LARGE1: variants seen among roughly 807,000 people sequenced by gnomAD.
The protein encoded by LARGE1 is LARGE xylosyl- and glucuronyltransferase 1.
Under a neutral mutation model 87.6 loss-of-function variants are expected in LARGE1, and 43 were observed. The observed-to-expected ratio is 0.49, with a 90% confidence interval of 0.38 to 0.63. The LOEUF (loss-of-function observed/expected upper bound fraction) is 0.63, where lower values mean the gene tolerates loss of function less well. Ranked by LOEUF, LARGE1 falls within the 30% of genes least tolerant of loss-of-function variation. The pLI is 0.00. For synonymous variants in LARGE1, 434 were observed against 394.6 expected (o/e 1.10, Z -1.18); for missense variants, 802 against 1,000.2 (o/e 0.80, Z 2.67).
At chr22:33,403,072 C>T (rs531973388) in intron 7 of LARGE1, among the ~76,000 whole-genome samples, 1 of 152,024 alleles carries the variant, frequency 6.6e-6, no homozygotes, top group Non-Finnish European at 1.5e-5. Context: ...ACAACAACAA[C>T]AAAATACTAC....
intron 6 of LARGE1, among the ~76,000 whole-genome samples, chr22:33,514,840 T>C (rs1383066308): frequency 6.6e-6 from 1 of 152,092 alleles, no homozygotes; most frequent in African/African-American, 2.4e-5. Context: ...CTTCATTTGA[T>C]AGAAGGGGAC....
At chr22:33,611,548 G>A (rs1408673065) in intron 4 of LARGE1, among the ~76,000 whole-genome samples, 1 of 152,216 alleles carries the variant, frequency 6.6e-6, no homozygotes, top group Admixed American at 6.5e-5. Context: ...CATCTTGGAA[G>A]TAAATACTGC....
At chr22:33,400,392 T>C (rs970847796) in intron 7 of LARGE1, among the ~76,000 whole-genome samples, 3 of 152,122 alleles carry the variant, frequency 2.0e-5, no homozygotes, top group African/African-American at 7.2e-5. Flanking sequence ...CAGAGCCATC[T>C]GGGGGAGGGA....
rs1333383071 is a variant in LARGE1 at position 33,421,079 on chromosome 22, C to T, written c.892+11082G>A. ...TGATGCATGCCTGTAGTCCCAGGTA[C>T]TTGGGAGGCTGAGGTAGGAAAGTTG... On this transcript the variant is annotated intron_variant, in intron 7 of 14. Transcript: ENST00000397394. 2.0e-5 allele frequency among the ~76,000 whole-genome samples: 3 copies of T among 152,040 alleles called. No homozygotes were observed. The East Asian group carries it at 5.8e-4, about 29-fold the overall frequency.
rs56832457 is a variant in LARGE1, at chr22:33,762,213, C to CAAAAAAA, written c.-82-662_-82-656dup. Among the ~76,000 whole-genome samples the CAAAAAAA allele has an allele frequency of 2.0e-4, 17 of 84,476 alleles. 1 individual carries two copies. Among genetic ancestry groups the CAAAAAAA allele is most frequent in the Admixed American group, 4.8e-4 (4 of 8,264 alleles). 55.4% of individuals were successfully genotyped at this position (84,476 alleles called of 152,430 possible). On this transcript the variant is annotated intron_variant, in intron 1 of 14. Transcript: ENST00000397394. ...AGGGAGACAGAGCGAGATTCTATCT[C>CAAAAAAA]AAAAAAAAAAAAAAAAAAAAAAAAA...
chr22:33,656,210 A>T (rs1349334631), intron 2 of LARGE1, among the ~76,000 whole-genome samples: 1 of 152,138 alleles, frequency 6.6e-6, no homozygotes, highest in African/African-American at 2.4e-5. Flanking sequence ...GGTTTAATGG[A>T]CTCACAGTTC....
At chr22:33,393,011 G>A (rs2065589007) in intron 7 of LARGE1, among the ~76,000 whole-genome samples, 1 of 151,976 alleles carries the variant, frequency 6.6e-6, no homozygotes, top group Non-Finnish European at 1.5e-5. Context: ...TATTCCAAGT[G>A]GCAGCTAAGA....
chr22:33,226,223 G>A (rs989845664), intron 11 of LARGE1, among the ~76,000 whole-genome samples: 6 of 152,198 alleles, frequency 3.9e-5, no homozygotes, highest in Admixed American at 3.9e-4. Flanking sequence ...GCTTCTCTGA[G>A]CTTAAGTCCA....
chr22:33,574,687 TGTGTGTGTGTGTGTG>T (rs2078301150), intron 5 of LARGE1, among the ~76,000 whole-genome samples: 1 of 176 alleles, frequency 5.7e-3, no homozygotes, highest in African/African-American at 0.021. Flanking sequence ...TATAAACAAT[TGTGTGTGTGTGTGTG>T]TGTGTGTGTG....
At chr22:33,248,360 T>C (rs1366625870) in intron 11 of LARGE1, among the ~76,000 whole-genome samples, 1 of 151,996 alleles carries the variant, frequency 6.6e-6, no homozygotes, top group African/African-American at 2.4e-5. Context: ...GCTAATTTTT[T>C]TGTGTATTTT....
chr22:33,145,671 G>A, the LARGE1 span, among the ~76,000 whole-genome samples: 1 of 152,148 alleles, frequency 6.6e-6, no homozygotes, highest in African/African-American at 2.4e-5. Flanking sequence ...TCAGAAGGCT[G>A]GAACTAACAG....
intron 6 of LARGE1, among the ~76,000 whole-genome samples, chr22:33,514,497 A>G (rs894310240): frequency 2.6e-5 from 4 of 152,220 alleles, no homozygotes; most frequent in African/African-American, 9.6e-5. Context: ...AAGTAACACA[A>G]AATTTAAAAA....
intron 2 of LARGE1, among the ~76,000 whole-genome samples, chr22:33,741,323 C>G (rs1361545990): frequency 6.6e-6 from 1 of 152,242 alleles, no homozygotes; most frequent in South Asian, 2.1e-4. Flanking sequence ...AATAGGAACA[C>G]CACCTCAACT....
intron 6 of LARGE1, among the ~76,000 whole-genome samples, chr22:33,513,830 C>CACACAT (rs1191248759): frequency 6.6e-6 from 1 of 151,854 alleles, no homozygotes; most frequent in Non-Finnish European, 1.5e-5. Context: ...CACACACACA[C>CACACAT]ACACACACAC....
chr22:33,878,255 C>G (rs995946582), intron 1 of LARGE1, among the ~76,000 whole-genome samples: 2 of 46,948 alleles, frequency 4.3e-5, no homozygotes, highest in African/African-American at 2.2e-4. Flanking sequence ...CTGCTTCAGT[C>G]TCCCAAGTAG....
intron 4 of LARGE1, among the ~76,000 whole-genome samples, chr22:33,614,223 T>A (rs1363053531): frequency 6.6e-6 from 1 of 152,230 alleles, no homozygotes; most frequent in Non-Finnish European, 1.5e-5. Context: ...TCAGATCGAT[T>A]GAGCTAAAAC....
Position 33,636,554 on chromosome 22 carries a change from G to T in LARGE1, c.409-10228C>A, listed in dbSNP as rs145695615. Among the ~76,000 whole-genome samples, 373 of 152,170 alleles carry T rather than the reference G, an allele frequency of 2.5e-3. 3 individuals are homozygous for T. The highest frequency in any genetic ancestry group is 1.4e-3 in the Non-Finnish European group (98 of 68,002). Reference sequence around the variant, plus strand: ...AAATGTGTCAACTATTTATTTCAGGGTCTTGCTCCGTCACCCAGGCTGGAG... The same window carrying T: ...AAATGTGTCAACTATTTATTTCAGGTTCTTGCTCCGTCACCCAGGCTGGAG... On this transcript the variant is annotated intron_variant, in intron 3 of 14. Transcript: ENST00000397394.
chr22:33,648,854 G>A (rs1019537803), intron 3 of LARGE1, among the ~76,000 whole-genome samples: 3 of 152,162 alleles, frequency 2.0e-5, no homozygotes, highest in Non-Finnish European at 4.4e-5. Context: ...GAGGGAAAGG[G>A]GTTCTGTCTT....
intron 10 of LARGE1, among the ~76,000 whole-genome samples, chr22:33,328,609 A>T (rs1043130796): frequency 9.5e-5 from 14 of 147,580 alleles, no homozygotes; most frequent in African/African-American, 3.5e-4. Flanking sequence ...AATAATAATA[A>T]AATAAAACAA....
Sources: allele counts gnomAD v4.1 joint callset (sites outside exome capture counted in the v4.1 genomes callset), GRCh38; gene constraint gnomAD v4.1.1; transcripts MANE v1.5; gene names NCBI Gene and HGNC (gene_info 2026-07-23, HGNC 2026-07-21).